Variants in CCSER1 observed in about 807,000 individuals in gnomAD.
The protein encoded by CCSER1 is serine-rich coiled-coil domain-containing protein 1.
Under a neutral mutation model 82.0 loss-of-function variants are expected in CCSER1, and 41 were observed. The observed-to-expected ratio is 0.50, with a 90% confidence interval of 0.39 to 0.65. CCSER1 has a LOEUF of 0.65. Ranked by LOEUF, CCSER1 falls within the 30% of genes least tolerant of loss-of-function variation. CCSER1 has a pLI of 0.00. For missense variants in CCSER1, 1,119 were observed against 1,064.2 expected (o/e 1.05, Z -0.72); for synonymous variants, 414 against 383.9 (o/e 1.08, Z -0.92).
chr4:90,214,454 A>G lies in CCSER1; in HGVS notation c.-42+86623A>G, dbSNP rs538248507. On this transcript the variant is annotated intron_variant, in intron 1 of 10. Transcript: ENST00000509176. ...GCACCCAGGGAAACGCTGGAGATTAAAGCTTATGATTCTAAAATGTGATCA... is the reference window on the plus strand; with the variant it reads ...GCACCCAGGGAAACGCTGGAGATTAGAGCTTATGATTCTAAAATGTGATCA... 2.0e-5 allele frequency among the ~76,000 whole-genome samples: 3 copies of G among 152,298 alleles called. No individual in the cohort carries two copies. The South Asian group carries it at 6.2e-4, about 32-fold the overall frequency.
At chr4:91,502,338 AT>A (rs1759252698) in intron 10 of CCSER1, among the ~76,000 whole-genome samples, 1 of 152,164 alleles carries the variant, frequency 6.6e-6, no homozygotes, top group African/African-American at 2.4e-5. Context: ...TTTAATTATT[AT>A]TTATCCTTAC....
chr4:90,952,303 C>T (rs917633644), intron 9 of CCSER1, among the ~76,000 whole-genome samples: 2 of 152,056 alleles, frequency 1.3e-5, no homozygotes, highest in African/African-American at 2.4e-5. Context: ...CAATCAGAGG[C>T]ATTTTTGCCC....
intron 10 of CCSER1, among the ~76,000 whole-genome samples, chr4:91,151,607 A>G (rs1462577197): frequency 1.3e-5 from 2 of 152,152 alleles, no homozygotes; most frequent in South Asian, 2.1e-4. Flanking sequence ...TCTTGTGGGC[A>G]TTTAGTGCTA....
chr4:90,840,961 G>A (rs539093885), intron 8 of CCSER1, among the ~76,000 whole-genome samples: 7 of 152,226 alleles, frequency 4.6e-5, no homozygotes, highest in Non-Finnish European at 1.0e-4. Flanking sequence ...GTTACATAAA[G>A]CAGATTACCT....
chr4:90,847,716 A>G (rs1216336227), intron 8 of CCSER1, among the ~76,000 whole-genome samples: 1 of 152,230 alleles, frequency 6.6e-6, no homozygotes, highest in Non-Finnish European at 1.5e-5. Flanking sequence ...CCAGAAAACA[A>G]TATAAAAATA....
intron 10 of CCSER1, among the ~76,000 whole-genome samples, chr4:91,466,905 A>G (rs1040337319): frequency 6.6e-6 from 1 of 152,240 alleles, no homozygotes; most frequent in Non-Finnish European, 1.5e-5. Flanking sequence ...GGAGGAATCA[A>G]TATCATGAAA....
At chr4:90,940,201 A>G (rs983853521) in intron 9 of CCSER1, among the ~76,000 whole-genome samples, 1 of 152,162 alleles carries the variant, frequency 6.6e-6, no homozygotes, top group Admixed American at 6.5e-5. Context: ...ACTGCAGACA[A>G]GAAAAGGTCA....
chr4:90,483,121 A>G (rs936638314), intron 5 of CCSER1, among the ~76,000 whole-genome samples: 3 of 152,162 alleles, frequency 2.0e-5, no homozygotes, highest in African/African-American at 7.2e-5. Context: ...CTTTACCATT[A>G]TGTAATGGCC....
At chr4:90,739,489 G>A (rs943565908) in intron 7 of CCSER1, among the ~76,000 whole-genome samples, 1 of 152,174 alleles carries the variant, frequency 6.6e-6, no homozygotes, top group South Asian at 2.1e-4. Flanking sequence ...ATTGGGTCAT[G>A]TGCATCTTAG....
chr4:91,437,776 C>T (rs1009066892), intron 10 of CCSER1, among the ~76,000 whole-genome samples: 1 of 152,218 alleles, frequency 6.6e-6, no homozygotes, highest in Non-Finnish European at 1.5e-5. Flanking sequence ...CACTCCCACC[C>T]TAATACTCCG....
intron 10 of CCSER1, among the ~76,000 whole-genome samples, chr4:91,304,783 T>C (rs1257636303): frequency 6.6e-6 from 1 of 152,114 alleles, no homozygotes; most frequent in Non-Finnish European, 1.5e-5. Flanking sequence ...TATTATTTTA[T>C]TGTTTTCATT....
intron 10 of CCSER1, among the ~76,000 whole-genome samples, chr4:91,334,199 T>C (rs1747160350): frequency 6.6e-6 from 1 of 152,100 alleles, no homozygotes; most frequent in Non-Finnish European, 1.5e-5. Flanking sequence ...AAGTTTTCTT[T>C]GTTATACAGC....
At chr4:90,942,224 A>G (rs561154532) in intron 9 of CCSER1, among the ~76,000 whole-genome samples, 1 of 152,256 alleles carries the variant, frequency 6.6e-6, no homozygotes, top group African/African-American at 2.4e-5. Flanking sequence ...AAGTGCTGGG[A>G]TTACAGGTGT....
intron 5 of CCSER1, among the ~76,000 whole-genome samples, chr4:90,608,900 CT>C (rs1157686054): frequency 2.6e-5 from 4 of 151,838 alleles, no homozygotes; most frequent in Non-Finnish European, 5.9e-5. Flanking sequence ...AAATACCTTG[CT>C]TTTTAGGCTT....
intron 10 of CCSER1, among the ~76,000 whole-genome samples, chr4:91,188,992 C>G (rs994992640): frequency 1.3e-5 from 2 of 152,046 alleles, no homozygotes; most frequent in Non-Finnish European, 2.9e-5. Context: ...AGAATTAATT[C>G]TAATCTGCTA....
At position 90,273,149 on chromosome 4, in the gene CCSER1, A is replaced by T. The variant is rs1363808181; in HGVS notation, c.-41-35095A>T. ...TTGCATGTTCTCACTTATTTGTGGG[A>T]GCTAAAGATTAAAACGTTTGTACTC... is the stretch of plus-strand genomic sequence containing the variant. On this transcript the variant is annotated intron_variant, in intron 1 of 10. Coordinates refer to ENST00000509176, the MANE Select transcript of CCSER1 (RefSeq NM_001145065.2). Among the ~76,000 whole-genome samples, 3 of 152,240 alleles carry T rather than the reference A, an allele frequency of 2.0e-5. No individual in the cohort carries two copies. The South Asian group carries it at 6.2e-4, about 32-fold the overall frequency.
intron 10 of CCSER1, among the ~76,000 whole-genome samples, chr4:91,149,659 G>T (rs1041271900): frequency 6.6e-5 from 10 of 152,132 alleles, no homozygotes; most frequent in Admixed American, 6.5e-4. Context: ...TTTTGTATAA[G>T]GTGTAAGGAA....
At chr4:91,305,028 T>C (rs1177386949) in intron 10 of CCSER1, among the ~76,000 whole-genome samples, 1 of 152,158 alleles carries the variant, frequency 6.6e-6, no homozygotes, top group Admixed American at 6.6e-5. Flanking sequence ...TAATGCTATA[T>C]AAAACATCTG....
chr4:90,561,821 A>G (rs965356523), intron 5 of CCSER1, among the ~76,000 whole-genome samples: 6 of 152,184 alleles, frequency 3.9e-5, no homozygotes, highest in Admixed American at 3.3e-4. Context: ...AACTATTTTT[A>G]CTTTATTATT....
Sources: gnomAD v4.1 joint callset for allele counts (sites outside exome capture counted in the v4.1 genomes callset) on GRCh38, gnomAD v4.1.1 for gene constraint, MANE v1.5 for transcripts, NCBI Gene and HGNC (gene_info 2026-07-23, HGNC 2026-07-21) for gene names.